Variants in SYBU observed in about 807,000 individuals in gnomAD.
SYBU encodes the protein GOLSYN A protein.
In SYBU, 21 loss-of-function variants were observed where a neutral mutation model predicts 35.9. That is an observed-to-expected ratio of 0.58 (90% confidence interval 0.41 to 0.84). The LOEUF (loss-of-function observed/expected upper bound fraction) is 0.84. Among genes scored for constraint, SYBU ranks in the 40% least tolerant of loss-of-function variants. The pLI is 0.00. For missense variants in SYBU, 768 were observed against 848.2 expected, an observed-to-expected ratio of 0.91 and a Z score of 1.17; for synonymous variants, 319 against 324.3, an observed-to-expected ratio of 0.98 and a Z score of 0.18.
intron 2 of SYBU, among the ~76,000 whole-genome samples, chr8:109,622,590 A>G (rs1293843703): frequency 1.3e-5 from 2 of 152,172 alleles, no homozygotes; most frequent in East Asian, 3.8e-4. Flanking sequence ...TTGGTTGTTT[A>G]TATCTAATCT....
At position 109,650,144 on chromosome 8, in the gene SYBU, G is replaced by A. The variant is rs899396480; in HGVS notation, c.-129+30567C>T. ...TCTCAGACATGCCAGACACAGAGCA[G>A]ATACACAGGCTGGAGGCTCTGAGGG... On this transcript the variant is annotated intron_variant, in intron 1 of 5. Coordinates refer to the SYBU transcript ENST00000408889. Among the ~76,000 whole-genome samples, 3 of 152,128 alleles carry A rather than the reference G, an allele frequency of 2.0e-5. No individual in the cohort carries two copies. In the South Asian group the frequency reaches 6.2e-4, roughly 32 times the overall value.
intron 1 of SYBU, among the ~76,000 whole-genome samples, chr8:109,687,554 T>C (rs998106565): frequency 1.7e-4 from 26 of 152,306 alleles, no homozygotes; most frequent in African/African-American, 5.3e-4. Flanking sequence ...AAAACACTGA[T>C]TGATGAGGCT....
intron 1 of SYBU, among the ~76,000 whole-genome samples, chr8:109,650,473 C>G (rs1816081143): frequency 6.6e-6 from 1 of 152,196 alleles, no homozygotes; most frequent in Non-Finnish European, 1.5e-5. Flanking sequence ...GGCCAACCAA[C>G]TACTATGATG....
intron 1 of SYBU, among the ~76,000 whole-genome samples, chr8:109,652,373 T>A (rs1030802721): frequency 1.3e-5 from 2 of 151,016 alleles, no homozygotes; most frequent in Non-Finnish European, 2.9e-5. Context: ...TCCTTCTTTT[T>A]CTACTCTCTC....
intron 3 of SYBU, among the ~76,000 whole-genome samples, chr8:109,617,632 C>A (rs527944016): frequency 6.6e-6 from 1 of 152,148 alleles, no homozygotes; most frequent in Non-Finnish European, 1.5e-5. Context: ...TGCTCAACAC[C>A]CTTTGTATCA....
At chr8:109,642,557 G>T (rs1815028467) in intron 2 of SYBU, among the ~76,000 whole-genome samples, 171 bp downstream of exon 2, 1 of 152,192 alleles carries the variant, frequency 6.6e-6, no homozygotes, top group Admixed American at 6.5e-5. Context: ...TGAACTATAT[G>T]AAACTGCTGT....
At chr8:109,634,168 AC>A (rs1226012297) in intron 2 of SYBU, among the ~76,000 whole-genome samples, 1 of 152,152 alleles carries the variant, frequency 6.6e-6, no homozygotes, top group Non-Finnish European at 1.5e-5. Flanking sequence ...CTCTGCTTTT[AC>A]CCACAGTGAT....
At chr8:109,599,286 T>A (rs577732355) in intron 3 of SYBU, among the ~76,000 whole-genome samples, 3 of 152,366 alleles carry the variant, frequency 2.0e-5, no homozygotes, top group African/African-American at 4.8e-5. Context: ...TCTTCATTCT[T>A]AAGCAAAAAG....
Position 109,659,620 on chromosome 8 carries a change from T to C in SYBU, c.-129+21091A>G, listed in dbSNP as rs117785437. On this transcript the variant is annotated intron_variant, in intron 1 of 5. Coordinates refer to the SYBU transcript ENST00000408889. ...CATCACAACTCCCTCACCACATTCA[T>C]AAGAGCACTTCAATTCTGCCTGCCA... 4.5e-3 allele frequency among the ~76,000 whole-genome samples: 685 copies of C among 152,300 alleles called. 27 individuals are homozygous for C. The East Asian group carries it at 0.087, about 19-fold the overall frequency.
At position 109,619,659 on chromosome 8, in the gene SYBU, A is replaced by G. The variant is rs139391401; in HGVS notation, c.230-620T>C. Among the ~76,000 whole-genome samples the G allele has an allele frequency of 3.8e-3, 584 of 152,342 alleles. 11 individuals carry two copies. Among genetic ancestry groups the G allele is most frequent in the East Asian group, 0.035 (182 of 5,190 alleles). ...CCATAGATTTTTGGATGTGTTTAGT[A>G]ATAAGAAGTTCACCAGAACAATTCA... On this transcript the variant is annotated intron_variant, in intron 2 of 6. Transcript: ENST00000276646.
intron 2 of SYBU, among the ~76,000 whole-genome samples, chr8:109,639,343 T>TA (rs1286958178): frequency 6.6e-6 from 1 of 152,152 alleles, no homozygotes; most frequent in Non-Finnish European, 1.5e-5. Flanking sequence ...TTATCTTTTT[T>TA]AAAAAAGTAA....
intron 1 of SYBU, among the ~76,000 whole-genome samples, chr8:109,663,589 A>G (rs986647260): frequency 3.3e-5 from 5 of 152,188 alleles, no homozygotes; most frequent in African/African-American, 1.2e-4. Flanking sequence ...ATTTGATAGA[A>G]GTGGCATTTT....
chr8:109,673,199 T>C (rs1817053993), intron 1 of SYBU, among the ~76,000 whole-genome samples: 1 of 152,098 alleles, frequency 6.6e-6, no homozygotes, highest in African/African-American at 2.4e-5. Context: ...ACAGACTGCC[T>C]CCTCAAGTGA....
chr8:109,636,246 T>C (rs1814216263), intron 2 of SYBU, among the ~76,000 whole-genome samples: 2 of 152,200 alleles, frequency 1.3e-5, no homozygotes, highest in South Asian at 4.1e-4. Context: ...TTTTCTTCCT[T>C]GGGCTTATGA....
intron 5 of SYBU, among the ~76,000 whole-genome samples, 154 bp from the exon 6 acceptor site, chr8:109,578,171 G>A (rs527522816): frequency 5.9e-5 from 9 of 152,152 alleles, no homozygotes; most frequent in South Asian, 2.1e-4. Context: ...AGGTGGTGAC[G>A]ACTTTGGGAA....
chr8:109,576,444 T>TG (rs1455810542), intron 6 of SYBU, among the ~76,000 whole-genome samples: 1 of 152,224 alleles, frequency 6.6e-6, no homozygotes, highest in Non-Finnish European at 1.5e-5. Flanking sequence ...TCTTAGCATC[T>TG]GTTAGCCTGT....
chr8:109,593,690 G>T lies in SYBU; in HGVS notation c.428-7528C>A, dbSNP rs114678602. 7.8e-3 allele frequency among the ~76,000 whole-genome samples: 1,195 copies of T among 152,330 alleles called. 9 individuals carry two copies. The highest frequency in any genetic ancestry group is 0.027 in the African/African-American group (1,138 of 41,568). ...ACAATCCAGCATACCCTGCACTGGG[G>T]TTATTCCATCAGTGCCAACCTGAAT... On this transcript the variant is annotated intron_variant, in intron 3 of 6. Coordinates refer to ENST00000276646, the MANE Select transcript of SYBU (RefSeq NM_001099754.2).
At chr8:109,624,049 A>C (rs1178776321) in intron 2 of SYBU, among the ~76,000 whole-genome samples, 1 of 152,200 alleles carries the variant, frequency 6.6e-6, no homozygotes, top group Non-Finnish European at 1.5e-5. Flanking sequence ...AGAAAGAAAG[A>C]AGCTATTAAA....
chr8:109,590,088 G>T (rs6990312), intron 3 of SYBU, among the ~76,000 whole-genome samples: 44,059 of 151,678 alleles, frequency 0.29, 10,292 homozygotes, highest in African/African-American at 0.64. Context: ...ATTTTTAAAT[G>T]TACAGGTCTC....
Sources: gnomAD v4.1 joint callset for allele counts (sites outside exome capture counted in the v4.1 genomes callset) on GRCh38, gnomAD v4.1.1 for gene constraint, MANE v1.5 for transcripts, NCBI Gene and HGNC (gene_info 2026-07-23, HGNC 2026-07-21) for gene names.